KCNN2: variants seen among roughly 807,000 people sequenced by gnomAD.
KCNN2 encodes potassium calcium-activated channel subfamily N member 2.
KCNN2 carries 24 observed loss-of-function variants against 55.5 expected under a neutral mutation model. The ratio of observed to expected loss-of-function variants is 0.43; its 90% CI spans 0.31 to 0.61. The LOEUF (loss-of-function observed/expected upper bound fraction) is 0.61. KCNN2 is among the 20% of genes least tolerant of loss of function. The pLI is 0.08. For synonymous variants in KCNN2, 431 were observed against 336.1 expected (o/e 1.28, Z -3.09); for missense variants, 754 against 853.6 (o/e 0.88, Z 1.45).
chr5:114,162,491 A>T (rs1261934807), intron 1 of KCNN2, among the ~76,000 whole-genome samples: 2 of 152,154 alleles, frequency 1.3e-5, no homozygotes, highest in African/African-American at 4.8e-5. Context: ...CTCAGATCTC[A>T]GGCTGTGTGC....
At chr5:114,203,145 A>T (rs4272124) in intron 1 of KCNN2, among the ~76,000 whole-genome samples, 131,973 of 152,168 alleles carry the variant, frequency 0.87, 57,353 homozygotes, top group East Asian at 0.94. Context: ...GAAAGGTTTT[A>T]ATTTTTTGGC....
chr5:114,159,301 A>G (rs1002711552), intron 1 of KCNN2, among the ~76,000 whole-genome samples: 11 of 152,206 alleles, frequency 7.2e-5, no homozygotes, highest in African/African-American at 2.7e-4. Context: ...ATGCTGGATT[A>G]CATTTATTGA....
intron 2 of KCNN2, among the ~76,000 whole-genome samples, chr5:114,322,187 A>C (rs1756627018): frequency 6.6e-6 from 1 of 152,190 alleles, no homozygotes. Context: ...TTATTTGTAG[A>C]ATCTACTGTA....
intron 3 of KCNN2, among the ~76,000 whole-genome samples, chr5:114,445,711 A>T (rs1760380223): frequency 6.6e-6 from 1 of 152,244 alleles, no homozygotes; most frequent in Non-Finnish European, 1.5e-5. Flanking sequence ...ACTAAACAAT[A>T]TATAAAATTA....
intron 1 of KCNN2, among the ~76,000 whole-genome samples, chr5:114,072,966 C>T (rs928523846): frequency 5.9e-5 from 9 of 152,162 alleles, no homozygotes; most frequent in African/African-American, 2.2e-4. Context: ...CCATTTTATG[C>T]ATAGGTAATA....
At chr5:114,085,766 G>A (rs892909773) in intron 1 of KCNN2, among the ~76,000 whole-genome samples, 14 of 152,110 alleles carry the variant, frequency 9.2e-5, no homozygotes, top group African/African-American at 3.4e-4. Flanking sequence ...TTTTTTAAAA[G>A]TCTCCTTTAT....
chr5:114,125,710 G>A (rs892822694), intron 1 of KCNN2, among the ~76,000 whole-genome samples: 1 of 152,164 alleles, frequency 6.6e-6, no homozygotes, highest in African/African-American at 2.4e-5. Flanking sequence ...GAGGTTAGAA[G>A]TGTGAGATCA....
chr5:114,487,838 C>T (rs530160528), intron 6 of KCNN2, among the ~76,000 whole-genome samples: 1 of 152,198 alleles, frequency 6.6e-6, no homozygotes, highest in African/African-American at 2.4e-5. Context: ...ATGTGGGTAT[C>T]GATTGTGATG....
At chr5:114,064,589 T>C (rs967644558) in intron 1 of KCNN2, among the ~76,000 whole-genome samples, 2 of 152,182 alleles carry the variant, frequency 1.3e-5, no homozygotes, top group African/African-American at 4.8e-5. Context: ...CAGCTAATGC[T>C]ACCAAGAGCA....
At chr5:114,058,203 T>C (rs1750251350) in intron 1 of KCNN2, among the ~76,000 whole-genome samples, 1 of 152,116 alleles carries the variant, frequency 6.6e-6, no homozygotes, top group Non-Finnish European at 1.5e-5. Context: ...AATAGCATAA[T>C]ATTAAAAACT....
chr5:114,274,978 A>C (rs1717070120), intron 2 of KCNN2, among the ~76,000 whole-genome samples: 1 of 152,096 alleles, frequency 6.6e-6, no homozygotes, highest in Admixed American at 6.6e-5. Context: ...GTTTGTCATA[A>C]ATAGCTCTTA....
rs145954299 is a variant in KCNN2, at chr5:114,072,160, C to T, written c.-271+15660C>T. The stretch of plus-strand genomic sequence containing the variant: ...ATATAAAATTAGCTGGGCATGGTGG[C>T]GCATGCCTGTAGTCCCAGCTATTTG... On this transcript the variant is annotated intron_variant, in intron 1 of 10. Transcript: ENST00000512097. Among the ~76,000 whole-genome samples the T allele has an allele frequency of 2.6e-3, 403 of 152,122 alleles. 5 individuals are homozygous for T. Among genetic ancestry groups the T allele is most frequent in the African/African-American group, 8.6e-3 (359 of 41,508 alleles).
chr5:114,222,977 C>A (rs1041140767), intron 2 of KCNN2, among the ~76,000 whole-genome samples: 4 of 152,184 alleles, frequency 2.6e-5, no homozygotes, highest in Non-Finnish European at 5.9e-5. Context: ...CTCTCATAAT[C>A]TCTATTGAGG....
At chr5:114,265,759 A>G (rs10050664) in intron 2 of KCNN2, among the ~76,000 whole-genome samples, 129,938 of 152,226 alleles carry the variant, frequency 0.85, 55,560 homozygotes, top group East Asian at 0.94. Flanking sequence ...GCACCCCATG[A>G]CCCAGTCATA....
chr5:114,155,341 G>A (rs543673216), intron 1 of KCNN2, among the ~76,000 whole-genome samples: 50 of 152,228 alleles, frequency 3.3e-4, no homozygotes, highest in African/African-American at 1.2e-3. Flanking sequence ...CAGTGCTGCA[G>A]TGAACATACA....
In KCNN2 at chr5:114,405,632, G is replaced by A. The variant is rs116039430; in HGVS notation, c.1637+776G>A. On this transcript the variant is annotated intron_variant, in intron 3 of 7. Transcript: ENST00000673685. ...AATTCAAGTTGAAATTAACAGTAGA[G>A]ACATAGGAATGATTTAGACATTTCT... 7.2e-3 allele frequency among the ~76,000 whole-genome samples: 1,093 copies of A among 152,174 alleles called. 5 individuals are homozygous for A. The highest frequency in any genetic ancestry group is 0.025 in the African/African-American group (1,032 of 41,542).
chr5:114,427,200 C>T (rs1580821313), intron 3 of KCNN2, among the ~76,000 whole-genome samples: 1 of 152,220 alleles, frequency 6.6e-6, no homozygotes, highest in Non-Finnish European at 1.5e-5. Context: ...ACTTCTAGCT[C>T]ACCAAGTTCC....
At chr5:114,482,731 A>G (rs927695137) in intron 5 of KCNN2, among the ~76,000 whole-genome samples, 2 of 152,168 alleles carry the variant, frequency 1.3e-5, no homozygotes, top group Non-Finnish European at 2.9e-5. Flanking sequence ...TTGCAGGGAC[A>G]TGGATAGAGC....
intron 1 of KCNN2, among the ~76,000 whole-genome samples, chr5:114,083,897 T>C (rs1182766374): frequency 6.6e-6 from 1 of 152,144 alleles, no homozygotes; most frequent in Non-Finnish European, 1.5e-5. Context: ...ACCATCTCTG[T>C]AGTACTGCTG....
Sources: gnomAD v4.1 joint callset for allele counts (sites outside exome capture counted in the v4.1 genomes callset) on GRCh38, gnomAD v4.1.1 for gene constraint, MANE v1.5 for transcripts, NCBI Gene and HGNC (gene_info 2026-07-23, HGNC 2026-07-21) for gene names.